Variants in PZP observed in about 807,000 individuals in gnomAD.
PZP encodes PZP alpha-2-macroglobulin like.
A neutral mutation model predicts 179.8 loss-of-function variants in PZP; 150 were observed. That is an observed-to-expected ratio of 0.83 (90% CI 0.73 to 0.96). The LOEUF is 0.96. PZP is among the 40% of genes least tolerant of loss of function. The pLI is 0.00. For synonymous variants in PZP, 624 were observed against 652.3 expected, an observed-to-expected ratio of 0.96 and a Z score of 0.66; for missense variants, 1,689 against 1,764.0, an observed-to-expected ratio of 0.96 and a Z score of 0.76.
At chr12:9,206,657 C>G (rs1352259808) in intron 1 of PZP, among the ~76,000 whole-genome samples, 3 of 152,190 alleles carry the variant, frequency 2.0e-5, no homozygotes, top group Non-Finnish European at 4.4e-5. Flanking sequence ...CTTTTGTAGT[C>G]TCTCACATTT....
rs1248849219 is a variant in PZP, at chr12:9,153,436, G to A, written c.3775-93C>T. ...TCTGTGTTAGCCTACCATGAGGGAA[G>A]CTGGCTTTTTACCCCTAAGGTAGAT... is the stretch of plus-strand genomic sequence containing the variant. On this transcript the variant is annotated intron_variant, in intron 29 of 35. Transcript: ENST00000261336. The A allele has an allele frequency of 6.8e-6, 7 of 1,031,008 alleles. No homozygotes were observed. In the African/African-American group the frequency reaches 1.1e-4, roughly 17 times the overall value. 63.9% of individuals were successfully genotyped at this position (1,031,008 alleles called of 1,614,324 possible).
chr12:9,157,965 C>G (rs1940883965), intron 26 of PZP, 124 bp from the exon 27 acceptor site: 2 of 846,166 alleles, frequency 2.4e-6, no homozygotes, highest in Admixed American at 2.1e-5. Flanking sequence ...CCTTCTCTCT[C>G]TCTCTCTCGA....
chr12:9,167,808 T>C (rs1489637201), intron 17 of PZP, among the ~76,000 whole-genome samples: 1 of 152,084 alleles, frequency 6.6e-6, no homozygotes, highest in Non-Finnish European at 1.5e-5. Context: ...AACATTTCCT[T>C]CCCCCCAAAC....
chr12:9,205,682 G>C (rs1456260897), intron 1 of PZP, among the ~76,000 whole-genome samples: 1 of 152,152 alleles, frequency 6.6e-6, no homozygotes, highest in East Asian at 1.9e-4. Flanking sequence ...AAATTTGCAA[G>C]TAAAAACTAT....
intron 32 of PZP, 41 bp downstream of exon 32, chr12:9,152,179 A>G (rs372178331): frequency 1.6e-5 from 22 of 1,373,852 alleles, no homozygotes; most frequent in Non-Finnish European, 2.3e-5. Context: ...GATACAGAAC[A>G]TACTTTTGTA....
At chr12:9,141,776 T>G in the PZP span, among the ~76,000 whole-genome samples, 1 of 152,230 alleles carries the variant, frequency 6.6e-6, no homozygotes, top group African/African-American at 2.4e-5. Context: ...TAGCAACCTT[T>G]ACTTTTGTTG....
At chr12:9,136,623 T>C in the PZP span, among the ~76,000 whole-genome samples, 1 of 152,206 alleles carries the variant, frequency 6.6e-6, no homozygotes, top group South Asian at 2.1e-4. Flanking sequence ...CCATAGCAGT[T>C]GCACCATTTT....
chr12:9,152,132 T>C (rs2120519847), intron 32 of PZP, 88 bp downstream of exon 32: 3 of 996,078 alleles, frequency 3.0e-6, no homozygotes, highest in East Asian at 2.4e-5. Flanking sequence ...AGGATGATGT[T>C]GACATGGTTT....
intron 15 of PZP, among the ~76,000 whole-genome samples, chr12:9,177,864 C>T (rs1942494220): frequency 6.6e-6 from 1 of 152,146 alleles, no homozygotes; most frequent in Admixed American, 6.5e-5. Flanking sequence ...GACTAAATTC[C>T]TGTACTACAT....
At chr12:9,189,279 T>C (rs1943316367) in intron 13 of PZP, among the ~76,000 whole-genome samples, 1 of 152,172 alleles carries the variant, frequency 6.6e-6, no homozygotes, top group South Asian at 2.1e-4. Context: ...CAAAACAGCA[T>C]AGTACTTGTA....
At chr12:9,139,409 G>C in the PZP span, among the ~76,000 whole-genome samples, 1 of 152,120 alleles carries the variant, frequency 6.6e-6, no homozygotes, top group Non-Finnish European at 1.5e-5. Context: ...CTGCTGTTTG[G>C]TGGAATATTC....
At chr12:9,183,037 G>A (rs938799609) in intron 13 of PZP, among the ~76,000 whole-genome samples, 1 of 152,090 alleles carries the variant, frequency 6.6e-6, no homozygotes, top group South Asian at 2.1e-4. Context: ...AGAGTCTCTC[G>A]ACATTGTTGA....
At chr12:9,141,455 G>T in the PZP span, among the ~76,000 whole-genome samples, 1 of 152,012 alleles carries the variant, frequency 6.6e-6, no homozygotes, top group Non-Finnish European at 1.5e-5. Flanking sequence ...TATAATTTTT[G>T]TTAAAGAGCA....
At position 9,197,075 on chromosome 12, in the gene PZP, A is replaced by G. The variant is rs748671430; in HGVS notation, c.804T>C (p.Cys268=). The change falls in exon 8 of 36, where the codon TGT becomes TGC. Residue 268 remains cysteine (C), a synonymous_variant. Transcript: ENST00000261336. The part of the protein sequence containing the change: ...PVPGLATVSL[C]RKLSRVLNCD... ...AATTAAGAACACGAGATAATTTTCT[A>G]CACAGGCTCACAGTTGCAAGTCCTG... 6.2e-7 allele frequency: 1 copy of G among 1,613,724 alleles called. No homozygotes were observed. The highest frequency in any genetic ancestry group is 8.5e-7 in the Non-Finnish European group (1 of 1,179,796).
At chr12:9,164,819 T>C (rs1003541231) in intron 19 of PZP, among the ~76,000 whole-genome samples, 1 of 152,218 alleles carries the variant, frequency 6.6e-6, no homozygotes, top group African/African-American at 2.4e-5. Context: ...ATGACTCTCG[T>C]GGAACTGAGA....
At chr12:9,164,106 T>C (rs1941412213) in intron 20 of PZP, 27 bp downstream of exon 20, 1 of 1,597,416 alleles carries the variant, frequency 6.3e-7, no homozygotes, top group Admixed American at 1.7e-5. Context: ...TGTTGATTGA[T>C]AGGCCCTTTT....
intron 13 of PZP, among the ~76,000 whole-genome samples, chr12:9,191,026 T>A (rs984398445): frequency 3.3e-5 from 5 of 152,154 alleles, no homozygotes; most frequent in African/African-American, 1.2e-4. Flanking sequence ...ACAATTATGA[T>A]TTAATTAGCT....
At chr12:9,171,591 T>C (rs1045358302) in intron 15 of PZP, among the ~76,000 whole-genome samples, 5 of 152,112 alleles carry the variant, frequency 3.3e-5, no homozygotes, top group Admixed American at 1.3e-4. Flanking sequence ...CTGAGAATCA[T>C]GATAAAACAA....
intron 11 of PZP, among the ~76,000 whole-genome samples, chr12:9,193,707 A>G (rs763095397): frequency 6.6e-6 from 1 of 152,320 alleles, no homozygotes; most frequent in East Asian, 1.9e-4. Context: ...GTCATTAGAC[A>G]GTGTATATTA....
Sources: allele counts gnomAD v4.1 joint callset (sites outside exome capture counted in the v4.1 genomes callset), GRCh38; gene constraint gnomAD v4.1.1; transcripts MANE v1.5; gene names NCBI Gene and HGNC (gene_info 2026-07-23, HGNC 2026-07-21).